Variants in DYNC2I1 observed in about 807,000 individuals in gnomAD.
DYNC2I1 encodes the protein cytoplasmic dynein 2 intermediate chain 1.
Under a neutral mutation model 133.4 loss-of-function variants are expected in DYNC2I1, and 89 were observed. That is an observed-to-expected ratio of 0.67 (90% confidence interval 0.56 to 0.80). The LOEUF (loss-of-function observed/expected upper bound fraction) is 0.80, where lower values mean the gene tolerates loss of function less well. Ranked by LOEUF, DYNC2I1 falls within the 30% of genes least tolerant of loss-of-function variation. DYNC2I1 has a pLI of 0.00. For synonymous variants in DYNC2I1, 504 were observed against 484.3 expected, an observed-to-expected ratio of 1.04 and a Z score of -0.54; for missense variants, 1,291 against 1,314.5, an observed-to-expected ratio of 0.98 and a Z score of 0.28.
intron 5 of DYNC2I1, among the ~76,000 whole-genome samples, chr7:158,883,664 T>A (rs1844287666): frequency 7.1e-6 from 1 of 141,728 alleles, no homozygotes; most frequent in Non-Finnish European, 1.5e-5. Flanking sequence ...ACTTCTTTTT[T>A]TTTTTTTTTT....
intron 4 of DYNC2I1, among the ~76,000 whole-genome samples, chr7:158,953,958 C>T (rs1185128889): frequency 6.6e-6 from 1 of 152,072 alleles, no homozygotes; most frequent in African/African-American, 2.4e-5. Context: ...TGTCCCCACC[C>T]AAATGTCATC....
At chr7:158,871,600 G>C (rs552325185) in intron 3 of DYNC2I1, 38 bp downstream of exon 3, 2 of 1,488,178 alleles carry the variant, frequency 1.3e-6, no homozygotes, top group African/African-American at 2.8e-5. Flanking sequence ...TCCACCCGAG[G>C]TGCCGCGTCG....
chr7:158,894,186 C>T (rs1425494633), intron 8 of DYNC2I1, among the ~76,000 whole-genome samples: 3 of 152,148 alleles, frequency 2.0e-5, no homozygotes, highest in Non-Finnish European at 2.9e-5. Flanking sequence ...CACTACGTAT[C>T]ATACTACATA....
the DYNC2I1 span, among the ~76,000 whole-genome samples, chr7:158,841,193 A>G: frequency 2.1e-4 from 16 of 76,282 alleles, no homozygotes; most frequent in African/African-American, 1.2e-3. Flanking sequence ...ATATATATAT[A>G]TATATATATA....
In DYNC2I1 at chr7:158,871,493, C is replaced by G. The variant is rs1245275248; in HGVS notation, c.421C>G (p.His141Asp). The G allele has an allele frequency of 1.9e-6, 3 of 1,547,784 alleles. No homozygotes were observed. The highest frequency in any genetic ancestry group is 1.4e-5 in the African/African-American group (1 of 73,134). Reference sequence around the variant, plus strand: ...AGAGCTCCGGCAGACCGTGGCCCACCACAACCTGCTGGGCCAGGAGACACG... The same window carrying G: ...AGAGCTCCGGCAGACCGTGGCCCACGACAACCTGCTGGGCCAGGAGACACG... ...KEELRQTVAH[H>D]NLLGQETRDR... Residue 141 changes from histidine (H) to aspartate (D), a missense_variant, in exon 3 of 25, where the codon CAC (histidine) becomes GAC (aspartate). Coordinates refer to ENST00000407559, the MANE Select transcript of DYNC2I1 (RefSeq NM_018051.5).
At chr7:158,857,511 AT>A (rs1489137294) in intron 1 of DYNC2I1, among the ~76,000 whole-genome samples, 1 of 125,476 alleles carries the variant, frequency 8.0e-6, no homozygotes, top group Non-Finnish European at 1.7e-5. Context: ...CTTAATTTGT[AT>A]TTTATGTTAT....
chr7:158,876,935 CAA>C (rs749394392), intron 4 of DYNC2I1, among the ~76,000 whole-genome samples: 11 of 152,192 alleles, frequency 7.2e-5, no homozygotes, highest in Non-Finnish European at 1.5e-4. Context: ...AGTAAGAAAA[CAA>C]AAACTGTCTA....
Position 158,856,715 on chromosome 7 carries a change from CGCCCGGGCCTGCGGGAAGCGATGGA to C in DYNC2I1, c.-13_12del. On this transcript the variant is annotated start_lost and 5_prime_UTR_variant, in exon 1 of 25. Transcript: ENST00000407559. ...TGGCCGGGGCCGAGGACACCGCGGC[CGCCCGGGCCTGCGGGAAGCGATGGA>C]GCCCGGGAAGGTCGGTGCGGCGCTG... is the stretch of plus-strand genomic sequence containing the variant. The C allele has an allele frequency of 6.5e-6, 8 of 1,233,600 alleles. No individual in the cohort carries two copies. Among genetic ancestry groups the C allele is most frequent in the Non-Finnish European group, 8.1e-6 (8 of 987,054 alleles). The allele number at this position is 1,233,600 out of a possible 1,614,324, so 76.4% of individuals were successfully genotyped here.
At chr7:158,885,991 ATCTT>A (rs1167028315) in intron 6 of DYNC2I1, among the ~76,000 whole-genome samples, 16 of 150,284 alleles carry the variant, frequency 1.1e-4, no homozygotes, top group Admixed American at 8.6e-4. Context: ...TTCAAGATAA[ATCTT>A]TCTTTTAGAA....
At chr7:158,888,625 A>G (rs1476811857) in intron 7 of DYNC2I1, among the ~76,000 whole-genome samples, 2 of 151,988 alleles carry the variant, frequency 1.3e-5, no homozygotes, top group African/African-American at 2.4e-5. Context: ...ATGCGCCACC[A>G]CACCCAGCTA....
intron 7 of DYNC2I1, among the ~76,000 whole-genome samples, chr7:158,889,036 T>TAC (rs71200077): frequency 0.058 from 8,188 of 141,206 alleles, 264 homozygotes; most frequent in African/African-American, 0.091. Context: ...TTTAAACATT[T>TAC]ACACACACAC....
Position 158,937,622 on chromosome 7 carries a change from G to GAAAAAAAAAAAAA in DYNC2I1, c.2778+3074_2778+3086dup, listed in dbSNP as rs71189438. Among the ~76,000 whole-genome samples, 52 of 109,436 alleles carry GAAAAAAAAAAAAA rather than the reference G, an allele frequency of 4.8e-4. 2 individuals carry two copies. Among genetic ancestry groups the GAAAAAAAAAAAAA allele is most frequent in the African/African-American group, 1.5e-3 (40 of 27,256 alleles). The allele number at this position is 109,436 out of a possible 152,430, so 71.8% of individuals were successfully genotyped here. The stretch of plus-strand genomic sequence containing the variant: ...GGGTGACAGGGTGAGACTGTCTCAA[G>GAAAAAAAAAAAAA]AAAAAAAAAAAAAGACACAAGGCTG... On this transcript the variant is annotated intron_variant, in intron 23 of 24. Transcript: ENST00000407559.
At chr7:158,956,034 G>A (rs1852188598) in intron 4 of DYNC2I1, among the ~76,000 whole-genome samples, 1 of 152,234 alleles carries the variant, frequency 6.6e-6, no homozygotes, top group Non-Finnish European at 1.5e-5. Flanking sequence ...GCCCAATTTG[G>A]CCTGTCATTG....
rs773472357 is a variant in DYNC2I1 at position 158,856,719 on chromosome 7, C to T, written c.-17C>T. On this transcript the variant is annotated 5_prime_UTR_variant, in exon 1 of 25. Coordinates refer to ENST00000407559, the MANE Select transcript of DYNC2I1 (RefSeq NM_018051.5). ...CGGGGCCGAGGACACCGCGGCCGCC[C>T]GGGCCTGCGGGAAGCGATGGAGCCC... 1.7e-5 allele frequency: 21 copies of T among 1,233,666 alleles called. No homozygotes were observed. Among genetic ancestry groups the T allele is most frequent in the Middle Eastern group, 2.9e-4 (1 of 3,424 alleles). 76.4% of individuals were successfully genotyped at this position (1,233,666 alleles called of 1,614,324 possible).
At position 158,871,251 on chromosome 7, in the gene DYNC2I1, C is replaced by G; in HGVS notation, c.179C>G (p.Pro60Arg). 1 of 1,609,692 alleles carries G rather than the reference C, an allele frequency of 6.2e-7. No individual in the cohort carries two copies. Among genetic ancestry groups the G allele is most frequent in the Non-Finnish European group, 8.5e-7 (1 of 1,177,852 alleles). Residue 60 changes from proline to arginine, a missense_variant, in exon 3 of 25, where the codon CCC (proline) becomes CGC (arginine). Transcript: ENST00000407559. ...PEHKEPRCRD[P>R]DQDARSRDRV... is the part of the protein sequence containing the mutation. ...CATAAGGAGCCGAGGTGCAGGGATC[C>G]CGACCAGGATGCCAGGAGCAGAGAC...
upstream of DYNC2I1, among the ~76,000 whole-genome samples, chr7:158,852,286 T>C (rs1442619115): frequency 1.3e-5 from 2 of 151,968 alleles, no homozygotes; most frequent in Non-Finnish European, 2.9e-5. Context: ...CATGCCTGGC[T>C]AATGTTTGTA....
chr7:158,898,839 C>G (rs1215820587), intron 8 of DYNC2I1, among the ~76,000 whole-genome samples: 1 of 149,272 alleles, frequency 6.7e-6, no homozygotes, highest in Non-Finnish European at 1.5e-5. Flanking sequence ...ATTCTATTTT[C>G]TCTCCTTTCT....
intron 6 of DYNC2I1, among the ~76,000 whole-genome samples, chr7:158,885,017 C>T (rs867891768): frequency 1.3e-5 from 2 of 152,200 alleles, no homozygotes; most frequent in Non-Finnish European, 2.9e-5. Context: ...AGGGAGTCCT[C>T]CCTGCCTGAA....
intron 7 of DYNC2I1, among the ~76,000 whole-genome samples, chr7:158,889,486 A>G (rs953535162): frequency 6.6e-6 from 1 of 152,160 alleles, no homozygotes; most frequent in African/African-American, 2.4e-5. Flanking sequence ...AATTGTGGAA[A>G]TACTGGATGA....
Sources: allele counts gnomAD v4.1 joint callset (sites outside exome capture counted in the v4.1 genomes callset), GRCh38; gene constraint gnomAD v4.1.1; transcripts MANE v1.5; gene names NCBI Gene and HGNC (gene_info 2026-07-23, HGNC 2026-07-21).